NFILZ: variants seen among roughly 807,000 people sequenced by gnomAD.
The protein encoded by NFILZ is NFIL3 like basic leucine zipper.
rs1253061737 is a variant in NFILZ, at chr19:8,656,392, C to CTGAA, written c.-163-18159_-163-18158insTGAA. ...CTTCTCCCTGAAGCCCACCTTCTCC[C>CTGAA]GCAGCCCACCTTCTCTCTGAAACCC... On this transcript the variant is annotated intron_variant, in intron 3 of 5. Coordinates refer to ENST00000691075, the MANE Select transcript of NFILZ (RefSeq NM_001378600.1). 1.3e-3 allele frequency among the ~76,000 whole-genome samples: 39 copies of CTGAA among 30,272 alleles called. 5 individuals are homozygous for CTGAA. The highest frequency in any genetic ancestry group is 0.01 in the East Asian group (11 of 1,066). The allele number at this position is 30,272 out of a possible 152,430, so 19.9% of individuals were successfully genotyped here.
intron 3 of NFILZ, among the ~76,000 whole-genome samples, chr19:8,663,736 G>GTGTGTGTGTGTGTGTATGTGTGTGTA (rs2043045744): frequency 2.9e-5 from 4 of 136,036 alleles, no homozygotes; most frequent in South Asian, 2.6e-4. Flanking sequence ...GTGTGTGTGT[G>GTGTGTGTGTGTGTGTATGTGTGTGTA]TGTGTGTGTG....
intron 3 of NFILZ, among the ~76,000 whole-genome samples, chr19:8,658,953 A>G (rs2043017272): frequency 6.6e-6 from 1 of 151,846 alleles, no homozygotes; most frequent in Admixed American, 6.6e-5. Context: ...CTCTCTCTAA[A>G]AAAATTTAAA....
At chr19:8,661,094 C>A (rs1267410228) in intron 3 of NFILZ, among the ~76,000 whole-genome samples, 1 of 51,542 alleles carries the variant, frequency 1.9e-5, no homozygotes, top group Non-Finnish European at 4.0e-5. Flanking sequence ...CCCCCTCCCT[C>A]CCTTCCTCCT....
intron 3 of NFILZ, among the ~76,000 whole-genome samples, chr19:8,666,956 C>T (rs2043064854): frequency 6.7e-6 from 1 of 148,616 alleles, no homozygotes; most frequent in Non-Finnish European, 1.5e-5. Flanking sequence ...TGCCACATTG[C>T]CCGGGTTGGT....
chr19:8,669,498 T>A (rs1232955855), intron 3 of NFILZ, among the ~76,000 whole-genome samples: 3 of 152,194 alleles, frequency 2.0e-5, no homozygotes, highest in African/African-American at 7.2e-5. Flanking sequence ...CCTATTTCAT[T>A]GCATCCTGAC....
At chr19:8,650,150 T>A (rs1330776749) in intron 3 of NFILZ, among the ~76,000 whole-genome samples, 6 of 151,506 alleles carry the variant, frequency 4.0e-5, no homozygotes, top group African/African-American at 1.5e-4. Context: ...ATTACTGCGG[T>A]TACAGCTGAG....
At chr19:8,657,218 C>T (rs1373890075) in intron 3 of NFILZ, among the ~76,000 whole-genome samples, 18 of 151,342 alleles carry the variant, frequency 1.2e-4, no homozygotes, top group Admixed American at 3.3e-4. Flanking sequence ...GATCTCGGCT[C>T]GGCTCAGCCT....
intron 3 of NFILZ, among the ~76,000 whole-genome samples, chr19:8,671,022 C>A (rs976155723): frequency 4.0e-5 from 6 of 149,618 alleles, no homozygotes; most frequent in Admixed American, 4.0e-4. Flanking sequence ...GATTTCCAGA[C>A]ATGGGAACCT....
intron 3 of NFILZ, among the ~76,000 whole-genome samples, chr19:8,642,216 G>A (rs1156554422): frequency 6.7e-6 from 1 of 148,590 alleles, no homozygotes; most frequent in Non-Finnish European, 1.5e-5. Flanking sequence ...TCTTTAGCCT[G>A]TAGCTAAGTC....
At chr19:8,638,803 A>G in intron 3 of NFILZ, among the ~76,000 whole-genome samples, 1 of 150,930 alleles carries the variant, frequency 6.6e-6, no homozygotes, top group East Asian at 1.9e-4. Context: ...GGCAGAGGGC[A>G]AAGCAAGTGC....
intron 3 of NFILZ, among the ~76,000 whole-genome samples, chr19:8,668,170 C>G (rs1003085420): frequency 3.9e-5 from 6 of 152,098 alleles, no homozygotes; most frequent in Non-Finnish European, 7.4e-5. Context: ...AGGCTGGTCT[C>G]CAGCTCCTGG....
At chr19:8,646,428 C>T (rs563640010) in intron 3 of NFILZ, among the ~76,000 whole-genome samples, 3 of 152,152 alleles carry the variant, frequency 2.0e-5, no homozygotes, top group Non-Finnish European at 4.4e-5. Flanking sequence ...ACACAGCTGG[C>T]GTGGCCAGAA....
At chr19:8,662,640 CTTTT>C (rs57110522) in intron 3 of NFILZ, among the ~76,000 whole-genome samples, 2 of 139,576 alleles carry the variant, frequency 1.4e-5, no homozygotes, top group Non-Finnish European at 1.6e-5. Flanking sequence ...CCTTTTCTTC[CTTTT>C]TTTTTTTTTT....
chr19:8,656,289 C>CCTTCTCCCTGAAGCCCACCTTCTCCCTGA (rs1212956882), intron 3 of NFILZ, among the ~76,000 whole-genome samples: 1 of 32,958 alleles, frequency 3.0e-5, no homozygotes, highest in African/African-American at 8.6e-5. Flanking sequence ...CTTCTCCCCA[C>CCTTCTCCCTGAAGCCCACCTTCTCCCTGA]AGCCCACCTC....
At chr19:8,649,274 A>ATT (rs34222003) in intron 3 of NFILZ, among the ~76,000 whole-genome samples, 15 of 147,216 alleles carry the variant, frequency 1.0e-4, no homozygotes, top group African/African-American at 3.0e-4. Flanking sequence ...CAATTAAGCA[A>ATT]TTTTTTTTTG....
chr19:8,637,863 C>T (rs550984083), intron 3 of NFILZ, among the ~76,000 whole-genome samples: 4 of 118,150 alleles, frequency 3.4e-5, no homozygotes, highest in Non-Finnish European at 4.9e-5. Context: ...GCTGAGATTG[C>T]GCCACTGTAC....
chr19:8,656,762 CTG>C (rs1200671738), intron 3 of NFILZ, among the ~76,000 whole-genome samples: 3 of 152,148 alleles, frequency 2.0e-5, no homozygotes, highest in Non-Finnish European at 4.4e-5. Flanking sequence ...GTGGCAACAC[CTG>C]TGTGTGTGTA....
chr19:8,637,933 A>AAAAAAAAG (rs1555746259), intron 3 of NFILZ, among the ~76,000 whole-genome samples: 1 of 149,434 alleles, frequency 6.7e-6, no homozygotes, highest in Non-Finnish European at 1.5e-5. Context: ...AAAAAAAAAA[A>AAAAAAAAG]AGAAAAGAAC....
At chr19:8,658,974 C>T (rs1227390566) in intron 3 of NFILZ, among the ~76,000 whole-genome samples, 3 of 150,126 alleles carry the variant, frequency 2.0e-5, no homozygotes, top group African/African-American at 7.4e-5. Flanking sequence ...GGCTGGTTGC[C>T]GTGGCTCATG....
Sources: gnomAD v4.1 joint callset for allele counts (sites outside exome capture counted in the v4.1 genomes callset) on GRCh38, gnomAD v4.1.1 for gene constraint, MANE v1.5 for transcripts, NCBI Gene and HGNC (gene_info 2026-07-23, HGNC 2026-07-21) for gene names.